ITPR2: variants seen among roughly 807,000 people sequenced by gnomAD.
The protein encoded by ITPR2 is inositol 1,4,5-trisphosphate receptor type 2, also known as inositol 1,4,5-trisphosphate-gated calcium channel ITPR2.
A neutral mutation model predicts 317.1 loss-of-function variants in ITPR2; 207 were observed. The observed-to-expected ratio is 0.65, with a 90% confidence interval of 0.58 to 0.73. The LOEUF is 0.73. Ranked by LOEUF, ITPR2 falls within the 30% of genes least tolerant of loss-of-function variation. The pLI, the probability that ITPR2 is intolerant of heterozygous loss-of-function variation, is 0.00. For synonymous variants in ITPR2, 1,156 were observed against 1,149.1 expected, an observed-to-expected ratio of 1.01 and a Z score of -0.12; for missense variants, 2,613 against 3,284.0, an observed-to-expected ratio of 0.80 and a Z score of 4.99.
chr12:26,633,554 C>T (rs779526104), intron 21 of ITPR2, among the ~76,000 whole-genome samples: 1 of 152,198 alleles, frequency 6.6e-6, no homozygotes, highest in African/African-American at 2.4e-5. Context: ...TTTCCAAGTT[C>T]GGACAAAATT....
intron 34 of ITPR2, among the ~76,000 whole-genome samples, chr12:26,576,206 A>G (rs766674413): frequency 2.6e-5 from 4 of 152,208 alleles, no homozygotes; most frequent in Non-Finnish European, 5.9e-5. Context: ...CTGTTTCATT[A>G]TAACTTGAAA....
intron 37 of ITPR2, among the ~76,000 whole-genome samples, chr12:26,514,491 T>C (rs149792826): frequency 6.6e-6 from 1 of 152,230 alleles, no homozygotes; most frequent in Non-Finnish European, 1.5e-5. Context: ...AAGTAAATTG[T>C]TATGTTTTTG....
rs1260873277 is a variant in ITPR2, at chr12:26,439,215, T to C, written c.6555A>G (p.Glu2185=). 69 of 1,612,370 alleles carry C rather than the reference T, an allele frequency of 4.3e-5. No homozygotes were observed. The highest frequency in any genetic ancestry group is 5.8e-5 in the Non-Finnish European group (68 of 1,178,742). ...TCACTTTACTTCCTTGTTCATCCCT[T>C]TCAGTTGTATTGAACACACGGCACT... ...ESKCRVFNTT[E]RDEQGSKVND... The change falls in exon 47 of 57, where the codon GAA becomes GAG. Residue 2185 remains glutamate, a synonymous_variant. Transcript: ENST00000381340.
intron 37 of ITPR2, among the ~76,000 whole-genome samples, chr12:26,521,001 A>G (rs1424769175): frequency 6.6e-6 from 1 of 152,210 alleles, no homozygotes; most frequent in African/African-American, 2.4e-5. Flanking sequence ...CAAACATCAC[A>G]TTGAAGTAGC....
intron 37 of ITPR2, among the ~76,000 whole-genome samples, chr12:26,528,435 C>T (rs1943863187): frequency 6.6e-6 from 1 of 152,184 alleles, no homozygotes; most frequent in African/African-American, 2.4e-5. Flanking sequence ...ATGTCCTCTT[C>T]CATATCTTTC....
At chr12:26,534,896 T>A (rs1944045475) in intron 37 of ITPR2, among the ~76,000 whole-genome samples, 1 of 152,206 alleles carries the variant, frequency 6.6e-6, no homozygotes, top group South Asian at 2.1e-4. Context: ...AGGATCAATA[T>A]CTGTGTGAAG....
intron 1 of ITPR2, among the ~76,000 whole-genome samples, chr12:26,804,230 G>GA (rs907767509): frequency 6.6e-6 from 1 of 151,832 alleles, no homozygotes; most frequent in Non-Finnish European, 1.5e-5. Context: ...ATGGGTTTTA[G>GA]AAAAAAAATA....
chr12:26,594,347 C>G (rs1945787286), intron 32 of ITPR2, among the ~76,000 whole-genome samples: 1 of 151,786 alleles, frequency 6.6e-6, no homozygotes, highest in African/African-American at 2.4e-5. Context: ...TTGTATTATC[C>G]AAGGGTGCTC....
intron 2 of ITPR2, among the ~76,000 whole-genome samples, chr12:26,727,396 T>C (rs1347570920): frequency 6.6e-6 from 1 of 152,234 alleles, no homozygotes; most frequent in African/African-American, 2.4e-5. Context: ...ATCTGGAATT[T>C]ATGCTTCTGA....
intron 34 of ITPR2, among the ~76,000 whole-genome samples, chr12:26,568,024 A>C (rs1945058580): frequency 8.0e-6 from 1 of 124,666 alleles, no homozygotes; most frequent in Non-Finnish European, 1.6e-5. Context: ...ATATATATAT[A>C]TATATATAAA....
chr12:26,634,718 C>G (rs1037740839), intron 21 of ITPR2, among the ~76,000 whole-genome samples: 4 of 151,814 alleles, frequency 2.6e-5, no homozygotes, highest in African/African-American at 9.7e-5. Context: ...AACCCTGTCT[C>G]TGTTAAAAAT....
At position 26,458,583 on chromosome 12, in the gene ITPR2, C is replaced by T. The variant is rs142916751; in HGVS notation, c.6343-14933G>A. On this transcript the variant is annotated intron_variant, in intron 45 of 56. Transcript: ENST00000381340. ...ATGTTAAACACGAGGGCGTCATCAA[C>T]GATAAAAACAAGATAAACACGAGAC... Among the ~76,000 whole-genome samples, 275 of 152,074 alleles carry T rather than the reference C, an allele frequency of 1.8e-3. 1 individual carries two copies. The highest frequency in any genetic ancestry group is 3.4e-3 in the Middle Eastern group (1 of 294).
intron 13 of ITPR2, among the ~76,000 whole-genome samples, chr12:26,677,075 C>T (rs553052243): frequency 2.9e-4 from 43 of 147,176 alleles, no homozygotes; most frequent in African/African-American, 9.8e-4. Flanking sequence ...TCAAAATGTA[C>T]GATAAGAATT....
intron 43 of ITPR2, among the ~76,000 whole-genome samples, chr12:26,480,245 T>G (rs1942516334): frequency 6.6e-6 from 1 of 152,206 alleles, no homozygotes; most frequent in South Asian, 2.1e-4. Flanking sequence ...TTATATAATT[T>G]AGTGTGTATA....
Position 26,656,397 on chromosome 12 carries a change from T to G in ITPR2, c.2344A>C (p.Met782Leu). The G allele has an allele frequency of 6.2e-7, 1 of 1,614,130 alleles. No homozygotes were observed. The highest frequency in any genetic ancestry group is 2.2e-5 in the East Asian group (1 of 44,880). ...TCCCGGTCAACGTGCATGTGGAGCA[T>G]GAGGCGACAGAAGGACGCTCGGAGG... ...FDLRASFCRLMLHMHVDRDPQ... is the reference protein window; with the variant it reads ...FDLRASFCRLLLHMHVDRDPQ... Residue 782 changes from methionine (M) to leucine (L), a missense_variant, in exon 19 of 57, where the codon ATG becomes CTG. Coordinates refer to ENST00000381340, the MANE Select transcript of ITPR2 (RefSeq NM_002223.4).
intron 55 of ITPR2, among the ~76,000 whole-genome samples, chr12:26,353,097 T>C (rs1290267682): frequency 6.6e-6 from 1 of 152,182 alleles, no homozygotes; most frequent in African/African-American, 2.4e-5. Flanking sequence ...CAGAAGATCA[T>C]AGCAGAACCA....
intron 37 of ITPR2, among the ~76,000 whole-genome samples, chr12:26,541,516 A>G (rs759124215): frequency 7.2e-5 from 11 of 152,224 alleles, no homozygotes; most frequent in Non-Finnish European, 1.5e-4. Flanking sequence ...TAATAAAACT[A>G]AAATGTGTTT....
chr12:26,622,383 G>A lies in ITPR2; in HGVS notation c.3145C>T (p.Leu1049Phe). ...AGRKEKNPVQ[L>F]DDEGGRTFLR... ...AACGTCCTGCCTCCTTCATCGTCAA[G>A]TTGAACTGGATTTTTTTCTTTTCTA... The change falls in exon 25 of 57, where the codon CTT (leucine) becomes TTT (phenylalanine). Residue 1049 changes from leucine (L) to phenylalanine (F), a missense_variant. Physicochemically the swap from Leu to Phe is conservative, Grantham distance 22. This residue lies in a region of ITPR2 where 817 missense variants were observed against 897.6 expected (regional missense o/e 0.91). Transcript: ENST00000381340. The A allele has an allele frequency of 6.2e-7, 1 of 1,603,840 alleles. No homozygotes were observed. The highest frequency in any genetic ancestry group is 1.1e-5 in the South Asian group (1 of 88,840).
chr12:26,583,316 C>A (rs1309878576), intron 32 of ITPR2, among the ~76,000 whole-genome samples: 1 of 152,098 alleles, frequency 6.6e-6, no homozygotes, highest in Non-Finnish European at 1.5e-5. Context: ...GCCCTGTAAA[C>A]CATTTTCCAA....
Sources: gnomAD v4.1 joint callset for allele counts (sites outside exome capture counted in the v4.1 genomes callset) on GRCh38, gnomAD v4.1.1 for gene constraint, gnomAD v4.1.1 regional missense constraint, MANE v1.5 for transcripts, NCBI Gene and HGNC (gene_info 2026-07-23, HGNC 2026-07-21) for gene names.